The following CSMD3 variants were observed in gnomAD, a reference collection of about 807,000 sequenced individuals.
The protein encoded by CSMD3 is CUB and sushi domain-containing protein 3.
CSMD3 carries 177 observed loss-of-function variants against 435.2 expected under a neutral mutation model. The ratio of observed to expected loss-of-function variants is 0.41; its 90% CI spans 0.36 to 0.46. The LOEUF is 0.46. CSMD3 is among the 20% of genes least tolerant of loss of function. The pLI is 0.34. For synonymous variants in CSMD3, 1,656 were observed against 1,520.5 expected (o/e 1.09, Z -2.07); for missense variants, 4,265 against 4,504.6 (o/e 0.95, Z 1.52).
intron 9 of CSMD3, among the ~76,000 whole-genome samples, chr8:112,928,951 T>G (rs1274458707): frequency 1.5e-5 from 2 of 129,674 alleles, no homozygotes; most frequent in Non-Finnish European, 3.3e-5. Context: ...CAGCACCTGT[T>G]GTTTCCTGAC....
intron 5 of CSMD3, among the ~76,000 whole-genome samples, chr8:113,085,572 A>G (rs1299884731): frequency 6.6e-6 from 1 of 152,188 alleles, no homozygotes; most frequent in Non-Finnish European, 1.5e-5. Flanking sequence ...GGTGGTATAT[A>G]TGCACAATGG....
chr8:112,424,719 G>A (rs889014887), intron 32 of CSMD3, among the ~76,000 whole-genome samples: 1 of 151,910 alleles, frequency 6.6e-6, no homozygotes, highest in Non-Finnish European at 1.5e-5. Flanking sequence ...TTGAGGCGGA[G>A]TCTCACTCTG....
At chr8:113,151,789 A>G (rs1281184739) in intron 4 of CSMD3, among the ~76,000 whole-genome samples, 1 of 152,040 alleles carries the variant, frequency 6.6e-6, no homozygotes, top group Non-Finnish European at 1.5e-5. Flanking sequence ...ACATTATCTT[A>G]TGATATGATT....
intron 58 of CSMD3, among the ~76,000 whole-genome samples, chr8:112,282,316 A>C (rs1818735801): frequency 6.6e-6 from 1 of 151,970 alleles, no homozygotes. Context: ...ATATACATAA[A>C]AATCAAACTC....
chr8:112,539,096 G>C (rs1413432402), intron 27 of CSMD3: 2 of 154,502 alleles, frequency 1.3e-5, no homozygotes, highest in African/African-American at 4.8e-5. Flanking sequence ...ACAAGGCAAA[G>C]CAAAATTCAT....
chr8:112,241,841 T>TACAC, intron 65 of CSMD3, 56 bp from the exon 66 acceptor site: 1 of 798,958 alleles, frequency 1.3e-6, no homozygotes, highest in Non-Finnish European at 2.1e-6. Context: ...TACATACACA[T>TACAC]GCGCACACAC....
At chr8:112,488,802 TA>T (rs1438322359) in intron 31 of CSMD3, among the ~76,000 whole-genome samples, 1 of 152,156 alleles carries the variant, frequency 6.6e-6, no homozygotes, top group African/African-American at 2.4e-5. Context: ...TATCAGGGAA[TA>T]ATAAGATATT....
chr8:113,395,282 T>G (rs2094478028), intron 1 of CSMD3, among the ~76,000 whole-genome samples: 1 of 152,122 alleles, frequency 6.6e-6, no homozygotes, highest in African/African-American at 2.4e-5. Flanking sequence ...CTATCAATGC[T>G]AGTTTGACTG....
At chr8:113,382,793 C>G (rs1164078723) in intron 1 of CSMD3, among the ~76,000 whole-genome samples, 2 of 151,872 alleles carry the variant, frequency 1.3e-5, no homozygotes, top group African/African-American at 4.8e-5. Flanking sequence ...CAGGCCTGGA[C>G]AACATGATGA....
intron 1 of CSMD3, among the ~76,000 whole-genome samples, chr8:113,359,046 T>TAA (rs370756249): frequency 4.0e-5 from 6 of 149,396 alleles, no homozygotes; most frequent in African/African-American, 1.5e-4. Context: ...CTCTCAATAG[T>TAA]AAAAAAAAAA....
At chr8:112,848,462 T>C (rs923509718) in intron 11 of CSMD3, among the ~76,000 whole-genome samples, 3 of 152,106 alleles carry the variant, frequency 2.0e-5, no homozygotes, top group African/African-American at 7.2e-5. Flanking sequence ...TCACCCACTA[T>C]GAGCTAGGTA....
At chr8:112,979,795 T>C (rs1245247777) in intron 6 of CSMD3, among the ~76,000 whole-genome samples, 1 of 151,280 alleles carries the variant, frequency 6.6e-6, no homozygotes. Flanking sequence ...CTTATCACAA[T>C]TAGATTATCC....
At chr8:112,930,237 C>G (rs1412821959) in intron 9 of CSMD3, among the ~76,000 whole-genome samples, 2 of 152,044 alleles carry the variant, frequency 1.3e-5, no homozygotes, top group East Asian at 3.9e-4. Context: ...GTTCCCATTG[C>G]TATATCACTC....
At chr8:112,545,482 CA>C (rs71566032) in intron 27 of CSMD3, among the ~76,000 whole-genome samples, 413 of 26,900 alleles carry the variant, frequency 0.015, 2 homozygotes, top group Non-Finnish European at 0.018. Flanking sequence ...GACTCCATCT[CA>C]AAAAAAAAAA....
At chr8:112,241,459 A>T (rs1814135132) in intron 66 of CSMD3, among the ~76,000 whole-genome samples, 1 of 152,042 alleles carries the variant, frequency 6.6e-6, no homozygotes, top group South Asian at 2.1e-4. Context: ...TATTGCCATT[A>T]TGCTATAGTC....
chr8:112,809,167 A>G (rs1346464336), intron 12 of CSMD3, among the ~76,000 whole-genome samples: 1 of 152,164 alleles, frequency 6.6e-6, no homozygotes, highest in African/African-American at 2.4e-5. Context: ...TCATGTTCAT[A>G]CTTCAAGGTG....
chr8:113,232,666 G>A (rs753601210), intron 3 of CSMD3, among the ~76,000 whole-genome samples: 10 of 151,666 alleles, frequency 6.6e-5, no homozygotes, highest in Non-Finnish European at 1.5e-4. Context: ...TTTATAGAAG[G>A]AGTAATGTCC....
intron 1 of CSMD3, among the ~76,000 whole-genome samples, chr8:113,428,780 A>G (rs2094652192): frequency 6.6e-6 from 1 of 151,898 alleles, no homozygotes. Flanking sequence ...ATAACAGAAA[A>G]CTATGGCAAA....
At chr8:112,554,894 A>G (rs1404392006) in intron 25 of CSMD3, among the ~76,000 whole-genome samples, 1 of 152,000 alleles carries the variant, frequency 6.6e-6, no homozygotes, top group Admixed American at 6.6e-5. Flanking sequence ...TGAGGCTAAA[A>G]CATAGCTGTA....
Sources: gnomAD v4.1 joint callset for allele counts (sites outside exome capture counted in the v4.1 genomes callset) on GRCh38, gnomAD v4.1.1 for gene constraint, MANE v1.5 for transcripts, NCBI Gene and HGNC (gene_info 2026-07-23, HGNC 2026-07-21) for gene names.